The following CCDC30 variants were observed in gnomAD, a reference collection of about 807,000 sequenced individuals.
The protein encoded by CCDC30 is coiled-coil domain containing 30.
A neutral mutation model predicts 100.2 loss-of-function variants in CCDC30; 70 were observed. The observed-to-expected ratio is 0.70, with a 90% CI of 0.58 to 0.85. CCDC30 has a LOEUF of 0.85. Among genes scored for constraint, CCDC30 ranks in the 40% least tolerant of loss-of-function variants. The pLI is 0.00. For missense variants in CCDC30, 652 were observed against 771.2 expected (o/e 0.85, Z 1.83); for synonymous variants, 233 against 269.5 (o/e 0.86, Z 1.33).
chr1:42,652,518 T>G (rs1648439167), intron 15 of CCDC30, among the ~76,000 whole-genome samples: 1 of 152,198 alleles, frequency 6.6e-6, no homozygotes, highest in African/African-American at 2.4e-5. Context: ...TTGAAAAAAC[T>G]TTCTGACCAT....
chr1:42,518,048 T>C (rs1644582591), intron 6 of CCDC30, among the ~76,000 whole-genome samples: 1 of 152,174 alleles, frequency 6.6e-6, no homozygotes, highest in Non-Finnish European at 1.5e-5. Context: ...ATTGAATCTG[T>C]AGATAGCTTT....
Position 42,596,546 on chromosome 1 carries a change from G to A in CCDC30, c.1164+7063G>A, listed in dbSNP as rs867833344. Among the ~76,000 whole-genome samples the A allele has an allele frequency of 3.3e-5, 5 of 151,912 alleles. No individual in the cohort carries two copies. The highest frequency in any genetic ancestry group is 1.9e-4 in the East Asian group (1 of 5,166). ...GGGTGGAGAAAAAAAAAACTAGCAC[G>A]TGTGAAATTTACAGTCCAGGGGCAC... On this transcript the variant is annotated intron_variant, in intron 10 of 16. Transcript: ENST00000668663. This position sits in a 1 kb window ranked among gnomAD's most constrained non-coding sequence, Gnocchi z 4.3.
At chr1:42,653,681 G>A (rs891524156) in intron 16 of CCDC30, 137 bp from the exon 21 acceptor site, 12 of 676,838 alleles carry the variant, frequency 1.8e-5, no homozygotes, top group Non-Finnish European at 3.1e-5. Flanking sequence ...ATGAACATAG[G>A]TTTAAGGTAA....
rs140696984 is a variant in CCDC30 at position 42,469,235 on chromosome 1, A to G, written c.-92+5337A>G. Among the ~76,000 whole-genome samples, 222 of 152,272 alleles carry G rather than the reference A, an allele frequency of 1.5e-3. 1 individual carries two copies. The highest frequency in any genetic ancestry group is 5.1e-3 in the African/African-American group (211 of 41,562). ...CTCTAAAAAAATAATTTTAAAAATA[A>G]GATGGGCATGTTGGCACATTTCTGT... On this transcript the variant is annotated intron_variant, in intron 1 of 16. Transcript: ENST00000668663.
intron 15 of CCDC30, 113 bp from the exon 20 acceptor site, chr1:42,653,263 T>C: frequency 1.9e-6 from 1 of 513,544 alleles, no homozygotes; most frequent in Non-Finnish European, 3.4e-6. Context: ...TGTTTTTCAT[T>C]GTTTGTACTA....
intron 6 of CCDC30, among the ~76,000 whole-genome samples, chr1:42,512,614 G>A (rs1644495605): frequency 6.6e-6 from 1 of 152,130 alleles, no homozygotes; most frequent in Non-Finnish European, 1.5e-5. Context: ...TGGCAACCAT[G>A]GATAGAAAAG....
chr1:42,580,262 C>T (rs1267946400), intron 8 of CCDC30, among the ~76,000 whole-genome samples: 1 of 152,206 alleles, frequency 6.6e-6, no homozygotes, highest in Non-Finnish European at 1.5e-5. Flanking sequence ...GGCTGGCTGC[C>T]TACTACCATT....
chr1:42,600,080 C>G lies in CCDC30; in HGVS notation c.1164+10597C>G, dbSNP rs565880224. On this transcript the variant is annotated intron_variant, in intron 10 of 16. Transcript: ENST00000668663. ...CATGGAGCTAAACCATTAGAAACCA[C>G]CCCCATGATCCAATCACCTTCCACC... is the stretch of plus-strand genomic sequence containing the variant. 1.2e-4 allele frequency among the ~76,000 whole-genome samples: 19 copies of G among 152,242 alleles called. No homozygotes were observed. In the South Asian group the frequency reaches 3.9e-3, roughly 32 times the overall value.
rs1488521049 is a variant in CCDC30, at chr1:42,516,527, A to G, written c.456+17611A>G. 9.7e-5 allele frequency among the ~76,000 whole-genome samples: 14 copies of G among 144,994 alleles called. No individual in the cohort carries two copies. In the Admixed American group the frequency reaches 1.0e-3, roughly 11 times the overall value. ...GGTTGCAGTGAGCTGGGATTGCGCC[A>G]CTGCACTGCACTGCAGCCTGGACGA... On this transcript the variant is annotated intron_variant, in intron 6 of 16. Transcript: ENST00000668663.
In CCDC30 at chr1:42,481,112, T is replaced by TAA. The variant is rs145002073; in HGVS notation, c.15+558_15+559dup. Among the ~76,000 whole-genome samples the TAA allele has an allele frequency of 9.1e-4, 131 of 144,742 alleles. 1 individual carries two copies. The highest frequency in any genetic ancestry group is 3.0e-3 in the African/African-American group (118 of 39,204). The allele number at this position is 144,742 out of a possible 152,430, so 95.0% of individuals were successfully genotyped here. On this transcript the variant is annotated intron_variant, in intron 2 of 16. Transcript: ENST00000668663. ...GGTGACAAAGCATGACCTCATCTCTTAAAAAAAAAAAAAGAGTCATGCTGT... is the reference window on the plus strand; with the variant it reads ...GGTGACAAAGCATGACCTCATCTCTTAAAAAAAAAAAAAAAGAGTCATGCTGT...
chr1:42,604,995 G>T (rs1646475221), intron 10 of CCDC30, among the ~76,000 whole-genome samples: 1 of 152,114 alleles, frequency 6.6e-6, no homozygotes, highest in Admixed American at 6.5e-5. Context: ...TTAATTGGCT[G>T]CCTGTATATT....
At chr1:42,613,500 C>T (rs1281065590) in intron 11 of CCDC30, among the ~76,000 whole-genome samples, 1 of 152,136 alleles carries the variant, frequency 6.6e-6, no homozygotes. Context: ...GTGATCCACC[C>T]GCCTCGGCCT....
intron 6 of CCDC30, among the ~76,000 whole-genome samples, chr1:42,526,568 A>G (rs1486483094): frequency 1.3e-5 from 2 of 152,092 alleles, no homozygotes; most frequent in African/African-American, 2.4e-5. Flanking sequence ...AAAGAAATTG[A>G]TCTTTTAAAT....
intron 1 of CCDC30, chr1:42,464,209 T>G (rs1643495543): frequency 6.6e-6 from 1 of 152,154 alleles, no homozygotes; most frequent in Admixed American, 6.5e-5. Flanking sequence ...CTAGGAGAAG[T>G]GCAAATTGGT....
intron 11 of CCDC30, among the ~76,000 whole-genome samples, chr1:42,616,135 C>T (rs1031446622): frequency 6.6e-6 from 1 of 152,102 alleles, no homozygotes; most frequent in Non-Finnish European, 1.5e-5. Context: ...AAGCTGGTCT[C>T]GAACTCCTGA....
At chr1:42,499,319 C>T (rs367836658) in intron 6 of CCDC30, among the ~76,000 whole-genome samples, 3 of 152,188 alleles carry the variant, frequency 2.0e-5, no homozygotes, top group Admixed American at 6.6e-5. Flanking sequence ...CAGGGTATAT[C>T]TAGTAAATAG....
intron 6 of CCDC30, among the ~76,000 whole-genome samples, chr1:42,520,540 C>T (rs1305133548): frequency 6.6e-6 from 1 of 151,028 alleles, no homozygotes; most frequent in Non-Finnish European, 1.5e-5. Context: ...CCATGTTGGT[C>T]AGGCTGGTCT....
Position 42,641,996 on chromosome 1 carries a change from T to C in CCDC30, c.1420-477T>C, listed in dbSNP as rs534950692. Among the ~76,000 whole-genome samples, 972 of 152,038 alleles carry C rather than the reference T, an allele frequency of 6.4e-3. 12 individuals carry two copies. Among genetic ancestry groups the C allele is most frequent in the African/African-American group, 0.021 (859 of 41,454 alleles). The stretch of plus-strand genomic sequence containing the variant: ...ATCCCAGCAATTTGGGAGGCCAAGG[T>C]GGGCGGATCACAAGGTCAGGAGATC... On this transcript the variant is annotated intron_variant, in intron 12 of 16. Coordinates refer to ENST00000668663, the Ensembl canonical transcript of CCDC30.
intron 11 of CCDC30, among the ~76,000 whole-genome samples, chr1:42,636,863 G>GGAGTA (rs1647166737): frequency 6.7e-6 from 1 of 149,818 alleles, no homozygotes; most frequent in African/African-American, 2.5e-5. Context: ...CTACTCGGGA[G>GGAGTA]GCTGAAGCAG....
Sources: allele counts gnomAD v4.1 joint callset (sites outside exome capture counted in the v4.1 genomes callset), GRCh38; gene constraint gnomAD v4.1.1; non-coding constraint Gnocchi (gnomAD v3.1); transcripts MANE v1.5; gene names NCBI Gene and HGNC (gene_info 2026-07-23, HGNC 2026-07-21).